The following MCC variants were observed in gnomAD, a reference collection of about 807,000 sequenced individuals.
MCC encodes the protein colorectal mutant cancer protein.
MCC carries 90 observed loss-of-function variants against 116.2 expected under a neutral mutation model. That is an observed-to-expected ratio of 0.77 (90% CI 0.65 to 0.92). MCC has a LOEUF of 0.92. MCC is among the 40% of genes least tolerant of loss of function. MCC has a pLI of 0.00. For missense variants in MCC, 1,516 were observed against 1,312.2 expected, an observed-to-expected ratio of 1.16 and a Z score of -2.40; for synonymous variants, 578 against 510.5, an observed-to-expected ratio of 1.13 and a Z score of -1.78.
chr5:113,151,435 A>C lies in MCC; in HGVS notation c.628-13T>G. On this transcript the variant is annotated splice_polypyrimidine_tract_variant and intron_variant, in intron 3 of 18. Transcript: ENST00000408903. ...CTGCTGAATGGAGCTGTGGTGACAG[A>C]AAGGAGGAGATTAGAGTATTGTAGC... The C allele has an allele frequency of 6.9e-7, 1 of 1,451,642 alleles. No homozygotes were observed. Among genetic ancestry groups the C allele is most frequent in the Non-Finnish European group, 9.7e-7 (1 of 1,035,796 alleles). 89.9% of individuals were successfully genotyped at this position (1,451,642 alleles called of 1,614,324 possible).
chr5:113,153,661 C>G (rs1760012019), intron 3 of MCC, among the ~76,000 whole-genome samples: 1 of 152,182 alleles, frequency 6.6e-6, no homozygotes. Flanking sequence ...GTTTGGGATG[C>G]ATGCATATTT....
At chr5:113,223,897 G>A (rs576316022) in intron 3 of MCC, among the ~76,000 whole-genome samples, 10 of 152,062 alleles carry the variant, frequency 6.6e-5, no homozygotes, top group African/African-American at 1.9e-4. Context: ...TCTGTTCCAC[G>A]TACTGGCATT....
At chr5:113,288,262 A>G (rs903708560) in intron 3 of MCC, among the ~76,000 whole-genome samples, 15 of 152,258 alleles carry the variant, frequency 9.9e-5, no homozygotes, top group Non-Finnish European at 2.9e-5. Flanking sequence ...GGCCAACTGT[A>G]GAAGGAACTT....
chr5:113,235,501 T>G (rs1764095424), intron 3 of MCC, among the ~76,000 whole-genome samples: 1 of 152,222 alleles, frequency 6.6e-6, no homozygotes, highest in Non-Finnish European at 1.5e-5. Context: ...AATTTAGCAC[T>G]TGGGAATGAA....
intron 16 of MCC, 151 bp from the exon 17 acceptor site, chr5:113,043,781 T>G (rs1057345570): frequency 1.7e-6 from 1 of 606,048 alleles, no homozygotes; most frequent in Non-Finnish European, 2.9e-6. Flanking sequence ...GGGGAAAGCC[T>G]GGCAGCAAGC....
intron 1 of MCC, chr5:113,428,552 A>T (rs1343212052): frequency 2.0e-5 from 3 of 152,240 alleles, no homozygotes; most frequent in Non-Finnish European, 2.9e-5. Flanking sequence ...GCTGAAGGAC[A>T]ATCTTATTTC....
intron 3 of MCC, among the ~76,000 whole-genome samples, chr5:113,270,593 C>T (rs761387517): frequency 6.7e-6 from 1 of 150,326 alleles, no homozygotes; most frequent in Non-Finnish European, 1.5e-5. Context: ...CTACCTAACT[C>T]CCTGTATCCC....
intron 17 of MCC, among the ~76,000 whole-genome samples, chr5:113,034,659 G>T (rs1751205850): frequency 6.6e-6 from 1 of 152,240 alleles, no homozygotes; most frequent in Non-Finnish European, 1.5e-5. Context: ...GTCACTAAGA[G>T]AATTGTCTGC....
intron 1 of MCC, among the ~76,000 whole-genome samples, chr5:113,455,642 G>A (rs164251): frequency 0.37 from 55,938 of 152,064 alleles, 12,917 homozygotes; most frequent in East Asian, 0.71. Flanking sequence ...AAGGCAATAT[G>A]TTGTATTAAA....
chr5:113,351,827 T>G (rs1768275851), intron 2 of MCC, among the ~76,000 whole-genome samples: 1 of 152,138 alleles, frequency 6.6e-6, no homozygotes, highest in South Asian at 2.1e-4. Flanking sequence ...TATACCTAAA[T>G]GTACCCACAA....
At position 113,024,858 on chromosome 5, in the gene MCC, A is replaced by ACTT. The variant is rs1750420234; in HGVS notation, c.*2441_*2443dup. The ACTT allele has an allele frequency of 6.6e-6, 1 of 152,296 alleles. No homozygotes were observed. The allele number at this position is 152,296 out of a possible 1,614,324, so 9.4% of individuals were successfully genotyped here. ...TTTGAAAAATACAAGAAAAGGAAAA[A>ACTT]CTTTTATAGCTTTTTTATTATACAT... On this transcript the variant is annotated 3_prime_UTR_variant, in exon 19 of 19. Coordinates refer to ENST00000408903, the MANE Select transcript of MCC (RefSeq NM_001085377.2).
chr5:113,413,465 T>C (rs1456625711), intron 1 of MCC, among the ~76,000 whole-genome samples: 1 of 152,240 alleles, frequency 6.6e-6, no homozygotes, highest in Non-Finnish European at 1.5e-5. Flanking sequence ...TATTGGTCTC[T>C]TCAGAGATTC....
In MCC at chr5:113,488,385, C is replaced by G. The variant is rs751624324; in HGVS notation, c.30G>C (p.Ala10=). The part of the protein sequence containing the change: MMAAAAAAA[A]GSSSSGGGGG... The stretch of plus-strand genomic sequence containing the variant: ...CGCCGCCGCCGCTGCTGGAGCTCCC[C>G]GCAGCCGCTGCCGCCGCGGCCGCCA... Residue 10 remains alanine, a synonymous_variant, in exon 1 of 19, where the codon GCG becomes GCC. Coordinates refer to ENST00000408903, the MANE Select transcript of MCC (RefSeq NM_001085377.2). 79 of 1,426,790 alleles carry G rather than the reference C, an allele frequency of 5.5e-5. No homozygotes were observed. The highest frequency in any genetic ancestry group is 6.7e-5 in the Non-Finnish European group (74 of 1,101,886). 88.4% of individuals were successfully genotyped at this position (1,426,790 alleles called of 1,614,324 possible).
At chr5:113,118,018 T>C (rs1404518084) in intron 6 of MCC, among the ~76,000 whole-genome samples, 1 of 152,214 alleles carries the variant, frequency 6.6e-6, no homozygotes, top group African/African-American at 2.4e-5. Flanking sequence ...AAGCCATCTA[T>C]AGAAACACAG....
intron 3 of MCC, among the ~76,000 whole-genome samples, chr5:113,165,640 T>A (rs1172587996): frequency 1.3e-5 from 2 of 152,142 alleles, no homozygotes; most frequent in African/African-American, 2.4e-5. Flanking sequence ...GAGGCCACCA[T>A]GATGGGCTGA....
intron 15 of MCC, 73 bp downstream of exon 15, chr5:113,053,651 TG>T: frequency 9.4e-7 from 1 of 1,068,618 alleles, no homozygotes; most frequent in Non-Finnish European, 1.4e-6. Context: ...CCTTATCTGC[TG>T]GACCTGCTTT....
At chr5:113,294,639 C>A (rs1156345460) in intron 3 of MCC, 2 of 1,115,706 alleles carry the variant, frequency 1.8e-6, no homozygotes, top group Non-Finnish European at 1.1e-6. Flanking sequence ...GCTGCGGCAG[C>A]GGCGGAGCCC....
chr5:113,222,431 A>G (rs1373869551), intron 3 of MCC, among the ~76,000 whole-genome samples: 2 of 152,196 alleles, frequency 1.3e-5, no homozygotes, highest in Admixed American at 6.5e-5. Context: ...TTGGCCTCAT[A>G]AAGTTCCTAA....
intron 17 of MCC, among the ~76,000 whole-genome samples, chr5:113,037,543 A>G (rs1299614087): frequency 6.6e-6 from 1 of 152,162 alleles, no homozygotes; most frequent in Admixed American, 6.5e-5. Flanking sequence ...AAATACAAAA[A>G]TTAGCCAGGC....
Sources: allele counts gnomAD v4.1 joint callset (sites outside exome capture counted in the v4.1 genomes callset), GRCh38; gene constraint gnomAD v4.1.1; transcripts MANE v1.5; gene names NCBI Gene and HGNC (gene_info 2026-07-23, HGNC 2026-07-21).